The following VCF2 variants were observed in gnomAD, a reference collection of about 807,000 sequenced individuals.
The protein encoded by VCF2 is protein VCF2.
At chrX:55,150,093 TTGATA>T in the VCF2 span, among the ~76,000 whole-genome samples, 1 of 112,343 alleles carries the variant, frequency 8.9e-6, no homozygotes, top group Non-Finnish European at 1.9e-5. Flanking sequence ...TTTGGGTTAT[TTGATA>T]TAATACAATC....
chrX:55,153,240 T>C, the VCF2 span, among the ~76,000 whole-genome samples: 1 of 112,753 alleles, frequency 8.9e-6, no homozygotes, highest in African/African-American at 3.2e-5. Flanking sequence ...ACTTTCTATA[T>C]TGAGACCTGT....
the VCF2 span, chrX:55,160,834 C>T: frequency 8.7e-7 from 1 of 1,155,814 alleles, no homozygotes. Flanking sequence ...CCCCACCTCA[C>T]CCCCGCCTCC....
At chrX:55,159,145 T>C in the VCF2 span, 6 of 1,202,777 alleles carry the variant, frequency 5.0e-6, no homozygotes, top group Admixed American at 6.7e-5. Flanking sequence ...ATCTTGAGAA[T>C]CCTGAAAGAT....
the VCF2 span, among the ~76,000 whole-genome samples, chrX:55,150,920 G>T: frequency 1.8e-5 from 2 of 111,468 alleles, no homozygotes; most frequent in African/African-American, 6.5e-5. Flanking sequence ...TTGTGACTTC[G>T]AAACATTGTT....
chrX:55,153,657 G>A, the VCF2 span, among the ~76,000 whole-genome samples: 2,545 of 110,332 alleles, frequency 0.023, 72 homozygotes, highest in African/African-American at 0.08. Context: ...CACCGCGCCC[G>A]TCCTGTATCT....
the VCF2 span, among the ~76,000 whole-genome samples, chrX:55,152,744 A>G: frequency 8.9e-6 from 1 of 112,057 alleles, no homozygotes; most frequent in Non-Finnish European, 1.9e-5. Context: ...TTAAAGCGAC[A>G]TACCTTTCTC....
the VCF2 span, chrX:55,146,257 C>A: frequency 1.7e-6 from 2 of 1,211,624 alleles, no homozygotes; most frequent in Non-Finnish European, 2.2e-6. Flanking sequence ...GGTCCACTTG[C>A]TCTCTCTGGG....
chrX:55,147,256 T>C, the VCF2 span, among the ~76,000 whole-genome samples: 4 of 104,260 alleles, frequency 3.8e-5, no homozygotes. Context: ...AGAATGGTCA[T>C]AGTCCATAGG....
At chrX:55,156,505 C>T in the VCF2 span, among the ~76,000 whole-genome samples, 9 of 112,296 alleles carry the variant, frequency 8.0e-5, no homozygotes, top group African/African-American at 1.3e-4. Flanking sequence ...TTTAAAATGA[C>T]GTGTACACAT....
chrX:55,145,314 A>G, the VCF2 span: 45 of 747,778 alleles, frequency 6.0e-5, no homozygotes, highest in South Asian at 3.1e-3. Context: ...GTTTAAGACA[A>G]AATATTACAT....
the VCF2 span, among the ~76,000 whole-genome samples, chrX:55,153,433 T>C: frequency 7.5e-4 from 81 of 107,653 alleles, no homozygotes; most frequent in Non-Finnish European, 1.3e-3. Context: ...CAGCTCACTG[T>C]AAGCTCTGCC....
the VCF2 span, among the ~76,000 whole-genome samples, chrX:55,152,396 C>CT: frequency 1.8e-5 from 2 of 111,812 alleles, no homozygotes; most frequent in East Asian, 5.6e-4. Flanking sequence ...CCTCCCCCTA[C>CT]TTTTTTTGTC....
chrX:55,150,067 G>A, the VCF2 span, among the ~76,000 whole-genome samples: 8 of 111,793 alleles, frequency 7.2e-5, no homozygotes, highest in East Asian at 1.1e-3. Context: ...GTCCCCTGAC[G>A]CCCAAAAGAG....
chrX:55,155,944 T>C, the VCF2 span, among the ~76,000 whole-genome samples: 17 of 99,124 alleles, frequency 1.7e-4, no homozygotes, highest in African/African-American at 4.0e-4. Context: ...TCTTCTTCTT[T>C]TTTTTTTTTT....
chrX:55,159,084 T>G, the VCF2 span: 1 of 972,929 alleles, frequency 1.0e-6, no homozygotes. Flanking sequence ...GATAATTTAG[T>G]GTAGGCAATG....
chrX:55,150,736 TA>T, the VCF2 span, among the ~76,000 whole-genome samples: 10 of 111,868 alleles, frequency 8.9e-5, no homozygotes, highest in Admixed American at 5.7e-4. Flanking sequence ...TAATCAGCTA[TA>T]GGACTCTGAC....
the VCF2 span, among the ~76,000 whole-genome samples, chrX:55,154,587 G>A: frequency 1.8e-5 from 2 of 112,359 alleles, no homozygotes; most frequent in Admixed American, 9.4e-5. Context: ...TGGGGTCCAG[G>A]TCTGTGTGAA....
chrX:55,160,829 C>G, the VCF2 span: 69 of 1,153,766 alleles, frequency 6.0e-5, no homozygotes, highest in African/African-American at 1.1e-3. Context: ...CACATCCCCA[C>G]CTCACCCCCG....
the VCF2 span, chrX:55,146,298 T>G: frequency 4.1e-6 from 5 of 1,209,310 alleles, no homozygotes; most frequent in Non-Finnish European, 5.6e-6. Flanking sequence ...CCTTTCATTA[T>G]CACTCCATGA....
Sources: allele counts gnomAD v4.1 joint callset (sites outside exome capture counted in the v4.1 genomes callset), GRCh38; gene constraint gnomAD v4.1.1; transcripts MANE v1.5; gene names NCBI Gene and HGNC (gene_info 2026-07-23, HGNC 2026-07-21).